RAD51: variants seen among roughly 807,000 people sequenced by gnomAD.
RAD51 encodes the protein DNA repair protein RAD51 homolog 1.
In RAD51, 14 loss-of-function variants were observed where a neutral mutation model predicts 41.5. The ratio of observed to expected loss-of-function variants is 0.34; its 90% CI spans 0.22 to 0.53. The LOEUF is 0.53. RAD51 is among the 20% of genes least tolerant of loss of function. The probability of loss-of-function intolerance (pLI) is 0.95; values close to 1 mark genes in which losing one functional copy is unlikely to be tolerated. For synonymous variants in RAD51, 136 were observed against 148.6 expected (o/e 0.92, Z 0.62); for missense variants, 234 against 422.0 (o/e 0.55, Z 3.90).
At chr15:40,719,357 C>A (rs1199658240) in intron 6 of RAD51, among the ~76,000 whole-genome samples, 1 of 151,128 alleles carries the variant, frequency 6.6e-6, no homozygotes. Flanking sequence ...CCGCACCCGG[C>A]CAGAAAAAGG....
chr15:40,715,886 AT>A (rs1451194258), intron 5 of RAD51, among the ~76,000 whole-genome samples: 1 of 152,154 alleles, frequency 6.6e-6, no homozygotes, highest in East Asian at 1.9e-4. Context: ...GAGTGTTAAT[AT>A]TTCCTCCTCT....
Position 40,706,226 on chromosome 15 carries a change from T to A in RAD51, c.275T>A (p.Phe92Tyr). The change falls in exon 4 of 10, where the codon TTC (phenylalanine) becomes TAC (tyrosine). Residue 92 changes from phenylalanine (F) to tyrosine (Y), a missense_variant. Phe to Tyr is a conservative substitution (Grantham distance 22). Coordinates refer to ENST00000267868, the MANE Select transcript of RAD51 (RefSeq NM_002875.5). ...VPMGFTTATEFHQRRSEIIQI... is the reference protein window; with the variant it reads ...VPMGFTTATEYHQRRSEIIQI... ...ATGGGTTTCACCACTGCAACTGAAT[T>A]CCACCAAAGGCGGTCAGAGATCATA... is the stretch of plus-strand genomic sequence containing the variant. The A allele has an allele frequency of 1.9e-6, 3 of 1,614,182 alleles. No individual in the cohort carries two copies. Among genetic ancestry groups the A allele is most frequent in the Non-Finnish European group, 2.5e-6 (3 of 1,180,026 alleles).
At chr15:40,711,114 G>T (rs767312509) in intron 5 of RAD51, among the ~76,000 whole-genome samples, 7 of 152,142 alleles carry the variant, frequency 4.6e-5, no homozygotes, top group Non-Finnish European at 1.0e-4. Flanking sequence ...CTTCATAAGA[G>T]GCCAGCATGG....
At chr15:40,720,181 G>A (rs934066625) in intron 6 of RAD51, among the ~76,000 whole-genome samples, 61 of 151,966 alleles carry the variant, frequency 4.0e-4, no homozygotes, top group African/African-American at 1.4e-3. Flanking sequence ...GTGCTATTTC[G>A]GCTCACTGCA....
chr15:40,717,774 A>G (rs937205014), intron 5 of RAD51, among the ~76,000 whole-genome samples: 2 of 152,206 alleles, frequency 1.3e-5, no homozygotes, highest in African/African-American at 2.4e-5. Flanking sequence ...TAGTACCCCT[A>G]AAGAATGAAC....
rs200182810 is a variant in RAD51 at position 40,707,711 on chromosome 15, TGTTG to T, written c.344-1310_344-1307del. Among the ~76,000 whole-genome samples, 769 of 152,164 alleles carry T rather than the reference TGTTG, an allele frequency of 5.1e-3. 4 individuals carry two copies. The highest frequency in any genetic ancestry group is 0.018 in the African/African-American group (742 of 41,514). On this transcript the variant is annotated intron_variant, in intron 4 of 9. Coordinates refer to ENST00000267868, the MANE Select transcript of RAD51 (RefSeq NM_002875.5). ...AATTTCGTATGTTTTTTTTTGTTGT[TGTTG>T]GTTTGTTTGTTTGTTTTTTAAAGAC... is the stretch of plus-strand genomic sequence containing the variant.
chr15:40,725,326 G>A (rs1164110974), intron 6 of RAD51, among the ~76,000 whole-genome samples: 1 of 152,158 alleles, frequency 6.6e-6, no homozygotes. Flanking sequence ...ATAAGTGACT[G>A]TGCCTCGCTG....
intron 1 of RAD51, among the ~76,000 whole-genome samples, chr15:40,696,499 G>T (rs972728341): frequency 2.0e-5 from 3 of 152,110 alleles, no homozygotes; most frequent in Non-Finnish European, 4.4e-5. Context: ...AGCCTGGGAG[G>T]TATAAGCTGC....
At chr15:40,698,066 T>C (rs1361289119) in intron 1 of RAD51, among the ~76,000 whole-genome samples, 1 of 152,266 alleles carries the variant, frequency 6.6e-6, no homozygotes, top group African/African-American at 2.4e-5. Flanking sequence ...TCCTCCTATC[T>C]AACTGAAACT....
intron 5 of RAD51, among the ~76,000 whole-genome samples, chr15:40,716,909 G>C (rs1358724734): frequency 6.6e-6 from 1 of 151,982 alleles, no homozygotes; most frequent in Admixed American, 6.6e-5. Context: ...TGATCCACCT[G>C]CTTCGGCCTC....
Position 40,732,069 on chromosome 15 carries a change from T to A in RAD51, c.*891T>A. On this transcript the variant is annotated 3_prime_UTR_variant, in exon 10 of 10. Coordinates refer to ENST00000267868, the MANE Select transcript of RAD51 (RefSeq NM_002875.5). Reference sequence around the variant, plus strand: ...CTGCATTCCAGCCAGGGTGACAGAGTGAGACCATGTTTCAAACAAGAAACA... The same window carrying A: ...CTGCATTCCAGCCAGGGTGACAGAGAGAGACCATGTTTCAAACAAGAAACA... The A allele has an allele frequency of 4.8e-6, 1 of 208,088 alleles. No homozygotes were observed. Among genetic ancestry groups the A allele is most frequent in the Non-Finnish European group, 9.8e-6 (1 of 102,382 alleles). 12.9% of individuals were successfully genotyped at this position (208,088 alleles called of 1,614,324 possible).
At chr15:40,723,431 T>G (rs191839255) in intron 6 of RAD51, among the ~76,000 whole-genome samples, 169 of 152,304 alleles carry the variant, frequency 1.1e-3, no homozygotes, top group Middle Eastern at 6.8e-3. Flanking sequence ...AAAATGTTCA[T>G]CAGCTGGTAA....
intron 3 of RAD51, among the ~76,000 whole-genome samples, chr15:40,702,294 T>C (rs1895054778): frequency 6.6e-6 from 1 of 152,184 alleles, no homozygotes; most frequent in Admixed American, 6.5e-5. Context: ...TTTTTGGGTA[T>C]CAGTTTTTGT....
chr15:40,726,754 A>G (rs1896604876), intron 6 of RAD51, among the ~76,000 whole-genome samples: 1 of 151,854 alleles, frequency 6.6e-6, no homozygotes, highest in Non-Finnish European at 1.5e-5. Context: ...CTCTACTAAA[A>G]ATAAAAAAAT....
chr15:40,723,761 A>G (rs1286282413), intron 6 of RAD51, among the ~76,000 whole-genome samples: 2 of 152,234 alleles, frequency 1.3e-5, no homozygotes, highest in Non-Finnish European at 2.9e-5. Flanking sequence ...CTGCAAATTC[A>G]CTAAAGCTCT....
At chr15:40,695,008 T>C (rs1302202491), upstream of RAD51, 2 of 152,236 alleles carry the variant, frequency 1.3e-5, no homozygotes, top group African/African-American at 4.8e-5. Context: ...GAATTAGTCC[T>C]TACGCAAAAA....
intron 5 of RAD51, among the ~76,000 whole-genome samples, chr15:40,713,210 A>C (rs1595998751): frequency 1.4e-5 from 2 of 141,294 alleles, no homozygotes; most frequent in Admixed American, 1.4e-4. Flanking sequence ...ACATCAAGTA[A>C]CCTAGCTTGA....
At chr15:40,725,385 CTT>C (rs1450254156) in intron 6 of RAD51, among the ~76,000 whole-genome samples, 3 of 152,276 alleles carry the variant, frequency 2.0e-5, no homozygotes, top group East Asian at 1.9e-4. Context: ...AATCAGGTCT[CTT>C]TATCAAGAAA....
At position 40,731,105 on chromosome 15, in the gene RAD51, A is replaced by G; in HGVS notation, c.947A>G (p.Asp316Gly). 1 of 1,613,830 alleles carries G rather than the reference A, an allele frequency of 6.2e-7. No homozygotes were observed. The highest frequency in any genetic ancestry group is 1.1e-5 in the South Asian group (1 of 91,058). The change falls in exon 10 of 10, where the codon GAC becomes GGC. Residue 316 changes from aspartate (D) to glycine (G), a missense_variant. This residue lies in a region of RAD51 where 134 missense variants were observed against 286.5 expected (regional missense o/e 0.47). Coordinates refer to ENST00000267868, the MANE Select transcript of RAD51 (RefSeq NM_002875.5). Reference protein sequence around the residue: ...RGETRICKIYDSPCLPEAEAM... With the variant: ...RGETRICKIYGSPCLPEAEAM... Reference sequence around the variant, plus strand: ...GAAACCAGAATCTGCAAAATCTACGACTCTCCCTGTCTTCCTGAAGCTGAA... The same window carrying G: ...GAAACCAGAATCTGCAAAATCTACGGCTCTCCCTGTCTTCCTGAAGCTGAA...
Sources: gnomAD v4.1 joint callset for allele counts (sites outside exome capture counted in the v4.1 genomes callset) on GRCh38, gnomAD v4.1.1 for gene constraint, gnomAD v4.1.1 regional missense constraint, MANE v1.5 for transcripts, NCBI Gene and HGNC (gene_info 2026-07-23, HGNC 2026-07-21) for gene names.